Variants in CHAF1B observed in about 807,000 individuals in gnomAD.
CHAF1B encodes the protein chromatin assembly factor 1 subunit B.
Under a neutral mutation model 60.7 loss-of-function variants are expected in CHAF1B, and 10 were observed. The ratio of observed to expected loss-of-function variants is 0.16; its 90% CI spans 0.10 to 0.28. The LOEUF (loss-of-function observed/expected upper bound fraction) is 0.28. Among genes scored for constraint, CHAF1B ranks in the 10% least tolerant of loss-of-function variants. The pLI, the probability that CHAF1B is intolerant of heterozygous loss-of-function variation, is 1.00. For missense variants in CHAF1B, 558 were observed against 708.4 expected, an observed-to-expected ratio of 0.79 and a Z score of 2.41; for synonymous variants, 261 against 266.1, an observed-to-expected ratio of 0.98 and a Z score of 0.19.
chr21:36,396,990 G>A (rs2086145394), intron 5 of CHAF1B, among the ~76,000 whole-genome samples: 1 of 152,098 alleles, frequency 6.6e-6, no homozygotes, highest in South Asian at 2.1e-4. Context: ...CCCATTAGCA[G>A]TTCTCAGCTA....
intron 8 of CHAF1B, among the ~76,000 whole-genome samples, chr21:36,405,832 C>T (rs969964557): frequency 4.6e-5 from 7 of 151,980 alleles, no homozygotes; most frequent in Non-Finnish European, 7.4e-5. Context: ...AAAGATATGT[C>T]GTGTTCTAAC....
chr21:36,389,545 C>T (rs1204202052), intron 3 of CHAF1B, among the ~76,000 whole-genome samples: 1 of 148,946 alleles, frequency 6.7e-6, no homozygotes, highest in Non-Finnish European at 1.5e-5. Context: ...GTGGAAGTTG[C>T]ACTGAGCCAA....
intron 4 of CHAF1B, among the ~76,000 whole-genome samples, chr21:36,392,723 C>T (rs1255179934): frequency 2.0e-5 from 3 of 151,950 alleles, no homozygotes; most frequent in Non-Finnish European, 2.9e-5. Flanking sequence ...TCCTCACCTC[C>T]CAGACAGGGC....
Position 36,416,511 on chromosome 21 carries a change from A to G in CHAF1B, c.*145A>G. 1 of 548,972 alleles carries G rather than the reference A, an allele frequency of 1.8e-6. No homozygotes were observed. The highest frequency in any genetic ancestry group is 3.2e-6 in the Non-Finnish European group (1 of 313,664). The allele number at this position is 548,972 out of a possible 1,614,324, so 34.0% of individuals were successfully genotyped here. A position where few individuals can be genotyped will look rare whatever the true frequency, so the allele number is the denominator to read the frequency against. Reference sequence around the variant, plus strand: ...TATAACAGAAGTGACATGTGTACTGATTTTTCTCCAGAAATATGGATGCTG... The same window carrying G: ...TATAACAGAAGTGACATGTGTACTGGTTTTTCTCCAGAAATATGGATGCTG... On this transcript the variant is annotated 3_prime_UTR_variant, in exon 14 of 14. Transcript: ENST00000314103.
chr21:36,396,291 C>T (rs1263395194), intron 5 of CHAF1B, among the ~76,000 whole-genome samples: 1 of 140,110 alleles, frequency 7.1e-6, no homozygotes, highest in African/African-American at 2.7e-5. Flanking sequence ...TGAGCCATTG[C>T]GACTGGCCAG....
intron 3 of CHAF1B, among the ~76,000 whole-genome samples, chr21:36,390,543 T>C (rs1195734279): frequency 1.3e-5 from 2 of 152,134 alleles, no homozygotes; most frequent in Non-Finnish European, 2.9e-5. Flanking sequence ...ATATCTATAA[T>C]GGTATTAATA....
At chr21:36,411,431 G>A (rs768576314) in intron 10 of CHAF1B, 32 bp from the exon 11 acceptor site, 1 of 1,611,178 alleles carries the variant, frequency 6.2e-7, no homozygotes. Context: ...TTGTTTCTGT[G>A]GTTTTACTTT....
In CHAF1B at chr21:36,416,373, C is replaced by T; in HGVS notation, c.*7C>T. The T allele has an allele frequency of 2.5e-6, 4 of 1,612,048 alleles. No homozygotes were observed. The highest frequency in any genetic ancestry group is 3.4e-6 in the Non-Finnish European group (4 of 1,178,940). On this transcript the variant is annotated 3_prime_UTR_variant, in exon 14 of 14. Transcript: ENST00000314103. The stretch of plus-strand genomic sequence containing the variant: ...GGAAAGTCTGGACCCTTGATGGGAC[C>T]TCGGCTTCTGCTCGAAGCCTACCAG...
At chr21:36,408,852 T>A (rs1482398921) in intron 9 of CHAF1B, 22 bp downstream of exon 9, 2 of 1,544,820 alleles carry the variant, frequency 1.3e-6, no homozygotes, top group Non-Finnish European at 1.8e-6. Context: ...AGGAAATGTT[T>A]GAAATGTTTA....
intron 12 of CHAF1B, among the ~76,000 whole-genome samples, chr21:36,414,604 G>A (rs2086303170): frequency 6.6e-6 from 1 of 152,036 alleles, no homozygotes; most frequent in Non-Finnish European, 1.5e-5. Flanking sequence ...AAGACTCTGG[G>A]TTTTTATTTA....
chr21:36,399,696 C>T, intron 7 of CHAF1B, 91 bp downstream of exon 7: 1 of 1,045,818 alleles, frequency 9.6e-7, no homozygotes, highest in Non-Finnish European at 1.5e-6. Context: ...AGCCAAATCA[C>T]TGGCCACAAA....
intron 9 of CHAF1B, 85 bp from the exon 10 acceptor site, chr21:36,409,289 C>T: frequency 9.5e-7 from 1 of 1,054,058 alleles, no homozygotes; most frequent in Non-Finnish European, 1.4e-6. Flanking sequence ...GTGTGAGCCA[C>T]CGCGCCCTGC....
In CHAF1B at chr21:36,416,671, C is replaced by T. The variant is rs868216083; in HGVS notation, c.*305C>T. On this transcript the variant is annotated 3_prime_UTR_variant, in exon 14 of 14. Coordinates refer to ENST00000314103, the MANE Select transcript of CHAF1B (RefSeq NM_005441.3). ...ATCAGTGAGTCCTCCCTGGCATCCT[C>T]GTGAAAGTGCACACACTTCATGGAG... The T allele has an allele frequency of 2.1e-5, 5 of 236,010 alleles. No individual in the cohort carries two copies. The highest frequency in any genetic ancestry group is 2.9e-4 in the South Asian group (2 of 6,806). 14.6% of individuals were successfully genotyped at this position (236,010 alleles called of 1,614,324 possible). A position where few individuals can be genotyped will look rare whatever the true frequency, so the allele number is the denominator to read the frequency against.
At chr21:36,405,126 T>G (rs1367007513) in intron 8 of CHAF1B, among the ~76,000 whole-genome samples, 2 of 152,126 alleles carry the variant, frequency 1.3e-5, no homozygotes, top group Non-Finnish European at 2.9e-5. Context: ...TGGATGTCTG[T>G]TATCAACGTT....
intron 5 of CHAF1B, among the ~76,000 whole-genome samples, chr21:36,396,014 T>TA (rs981375435): frequency 6.6e-6 from 1 of 151,680 alleles, no homozygotes; most frequent in African/African-American, 2.4e-5. Context: ...TTTTTTTTTT[T>TA]ATTTTAGATG....
chr21:36,392,512 GC>G (rs572544827), intron 4 of CHAF1B, among the ~76,000 whole-genome samples: 3 of 150,832 alleles, frequency 2.0e-5, no homozygotes, highest in African/African-American at 7.3e-5. Context: ...GGGCAGAGGC[GC>G]CCCCCACCTC....
At chr21:36,408,453 G>C (rs565683992) in intron 8 of CHAF1B, among the ~76,000 whole-genome samples, 1 of 152,302 alleles carries the variant, frequency 6.6e-6, no homozygotes, top group East Asian at 1.9e-4. Flanking sequence ...TCGAGGAATT[G>C]CCTGGAGGCT....
chr21:36,404,848 A>T (rs1405827455), intron 8 of CHAF1B, among the ~76,000 whole-genome samples: 1 of 145,510 alleles, frequency 6.9e-6, no homozygotes, highest in Non-Finnish European at 1.5e-5. Context: ...GGTTCAAGCG[A>T]TTCTCCTGCC....
chr21:36,415,878 G>A (rs759349931), intron 13 of CHAF1B: 5 of 340,630 alleles, frequency 1.5e-5, no homozygotes, highest in East Asian at 9.2e-5. Flanking sequence ...TCGGCCTCCC[G>A]AGTAGCCGGG....
Sources: gnomAD v4.1 joint callset for allele counts (sites outside exome capture counted in the v4.1 genomes callset) on GRCh38, gnomAD v4.1.1 for gene constraint, MANE v1.5 for transcripts, NCBI Gene and HGNC (gene_info 2026-07-23, HGNC 2026-07-21) for gene names.